The following DPP6 variants were observed in gnomAD, a reference collection of about 807,000 sequenced individuals.
DPP6 encodes the protein dipeptidyl peptidase like 6.
In DPP6, 69 loss-of-function variants were observed where a neutral mutation model predicts 122.6. The observed-to-expected ratio is 0.56, with a 90% CI of 0.46 to 0.69. The LOEUF is 0.69. Ranked by LOEUF, DPP6 falls within the 30% of genes least tolerant of loss-of-function variation. DPP6 has a pLI of 0.00. For synonymous variants in DPP6, 418 were observed against 433.1 expected, an observed-to-expected ratio of 0.97 and a Z score of 0.43; for missense variants, 928 against 1,116.9, an observed-to-expected ratio of 0.83 and a Z score of 2.41.
chr7:153,886,979 T>A (rs547894452), upstream of DPP6: 2 of 151,002 alleles, frequency 1.3e-5, no homozygotes, highest in Non-Finnish European at 2.9e-5. Flanking sequence ...GCGCACCCAG[T>A]CCAGCGCGGA....
At chr7:154,253,448 C>G (rs1802475748) in intron 1 of DPP6, among the ~76,000 whole-genome samples, 1 of 152,236 alleles carries the variant, frequency 6.6e-6, no homozygotes. Context: ...ATGCTTGATA[C>G]ATACTACCTA....
intron 7 of DPP6, among the ~76,000 whole-genome samples, chr7:154,709,444 T>G (rs1841031197): frequency 6.6e-6 from 1 of 152,108 alleles, no homozygotes; most frequent in African/African-American, 2.4e-5. Context: ...GGTCTCAAAC[T>G]CCTGGCCTCA....
the DPP6 span, among the ~76,000 whole-genome samples, chr7:153,771,242 A>G: frequency 1.3e-5 from 2 of 152,346 alleles, no homozygotes; most frequent in Non-Finnish European, 1.5e-5. Flanking sequence ...AGGCACCCAC[A>G]GGGAAAAGAA....
intron 1 of DPP6, among the ~76,000 whole-genome samples, chr7:154,023,135 T>A (rs1193483528): frequency 6.6e-6 from 1 of 151,744 alleles, no homozygotes; most frequent in Non-Finnish European, 1.5e-5. Context: ...CTTTAGTGAG[T>A]CCAGGACACC....
At position 154,721,887 on chromosome 7, in the gene DPP6, C is replaced by T. The variant is rs183323149; in HGVS notation, c.763-5880C>T. 3.3e-3 allele frequency among the ~76,000 whole-genome samples: 496 copies of T among 152,050 alleles called. 2 individuals carry two copies. Among genetic ancestry groups the T allele is most frequent in the African/African-American group, 0.011 (476 of 41,442 alleles). On this transcript the variant is annotated intron_variant, in intron 7 of 25. Coordinates refer to ENST00000377770, the MANE Select transcript of DPP6 (RefSeq NM_130797.4). ...CCATTTAAGATTAGATTCTATTGGCCATGCACAGTGGCTCACACCTCTAAT... is the reference window on the plus strand; with the variant it reads ...CCATTTAAGATTAGATTCTATTGGCTATGCACAGTGGCTCACACCTCTAAT...
intron 1 of DPP6, among the ~76,000 whole-genome samples, chr7:153,988,539 C>A (rs116511594): frequency 0.052 from 7,980 of 152,228 alleles, 244 homozygotes; most frequent in South Asian, 0.077. Context: ...CTCACCCACC[C>A]TTTTTTGAGG....
At chr7:154,569,691 A>G (rs990143673) in intron 5 of DPP6, among the ~76,000 whole-genome samples, 1 of 151,436 alleles carries the variant, frequency 6.6e-6, no homozygotes, top group African/African-American at 2.4e-5. Flanking sequence ...TATATGTTTC[A>G]TTTGCAATAA....
chr7:154,670,749 G>A (rs113925862), intron 7 of DPP6, among the ~76,000 whole-genome samples: 38 of 152,192 alleles, frequency 2.5e-4, no homozygotes, highest in Admixed American at 2.2e-3. Flanking sequence ...GAATTGTATC[G>A]GATAGGCTGT....
chr7:154,842,222 A>G (rs191727288), intron 16 of DPP6, among the ~76,000 whole-genome samples: 4 of 152,308 alleles, frequency 2.6e-5, no homozygotes, highest in East Asian at 3.9e-4. Context: ...TGCTTAAGAG[A>G]TATCAGTGGT....
At chr7:153,999,125 C>T (rs1797574643) in intron 1 of DPP6, among the ~76,000 whole-genome samples, 1 of 152,222 alleles carries the variant, frequency 6.6e-6, no homozygotes, top group Non-Finnish European at 1.5e-5. Context: ...GAGCATTGGG[C>T]ACCACTTGAG....
intron 1 of DPP6, among the ~76,000 whole-genome samples, chr7:154,419,189 C>T (rs1313719709): frequency 6.6e-6 from 1 of 152,184 alleles, no homozygotes. Flanking sequence ...TGGCTCATTC[C>T]TCTTTCCTTG....
At chr7:154,793,341 AT>A (rs1170726347) in intron 10 of DPP6, among the ~76,000 whole-genome samples, 3 of 152,078 alleles carry the variant, frequency 2.0e-5, no homozygotes, top group South Asian at 4.1e-4. Context: ...GTAAAATTGT[AT>A]TTTTTTAATC....
At chr7:153,958,320 C>T (rs533808887) in intron 1 of DPP6, among the ~76,000 whole-genome samples, 1 of 152,224 alleles carries the variant, frequency 6.6e-6, no homozygotes, top group South Asian at 2.1e-4. Context: ...CAGTATTTTT[C>T]CAATGTTGTC....
At chr7:154,184,197 G>A (rs1026290636) in intron 1 of DPP6, among the ~76,000 whole-genome samples, 12 of 151,444 alleles carry the variant, frequency 7.9e-5, no homozygotes, top group Non-Finnish European at 1.6e-4. Flanking sequence ...ATAATGGTTA[G>A]TGTCTGTGTT....
intron 1 of DPP6, among the ~76,000 whole-genome samples, chr7:154,033,128 T>C (rs1799343553): frequency 6.6e-6 from 1 of 151,592 alleles, no homozygotes; most frequent in South Asian, 2.1e-4. Flanking sequence ...CATAAAAGCA[T>C]TTATTTGCCC....
At chr7:154,222,430 C>T (rs1051864337) in intron 1 of DPP6, among the ~76,000 whole-genome samples, 26 of 151,088 alleles carry the variant, frequency 1.7e-4, no homozygotes, top group African/African-American at 4.9e-4. Context: ...CCGAGGTGGG[C>T]GGATCACCTG....
chr7:154,666,642 AC>A (rs1004055722), intron 6 of DPP6, among the ~76,000 whole-genome samples: 7 of 150,994 alleles, frequency 4.6e-5, no homozygotes, highest in African/African-American at 1.5e-4. Context: ...TTTTATCAGC[AC>A]CCCCCCAATC....
chr7:154,295,381 C>T (rs189822365), intron 1 of DPP6, among the ~76,000 whole-genome samples: 68 of 152,292 alleles, frequency 4.5e-4, no homozygotes, highest in African/African-American at 1.4e-3. Context: ...GTGTGACCTT[C>T]GACAACTTAT....
chr7:153,815,402 T>A, the DPP6 span, among the ~76,000 whole-genome samples: 1 of 152,134 alleles, frequency 6.6e-6, no homozygotes, highest in Non-Finnish European at 1.5e-5. Context: ...AGTTTTAGGG[T>A]ACATGTGCAC....
Sources: allele counts gnomAD v4.1 joint callset (sites outside exome capture counted in the v4.1 genomes callset), GRCh38; gene constraint gnomAD v4.1.1; transcripts MANE v1.5; gene names NCBI Gene and HGNC (gene_info 2026-07-23, HGNC 2026-07-21).